Variants in RCBTB2 observed in about 807,000 individuals in gnomAD.
RCBTB2 encodes the protein RCC1 and BTB domain containing protein 2.
RCBTB2 carries 55 observed loss-of-function variants against 65.4 expected under a neutral mutation model. The ratio of observed to expected loss-of-function variants is 0.84; its 90% CI spans 0.68 to 1.05. The LOEUF (loss-of-function observed/expected upper bound fraction) is 1.05, where lower values mean the gene tolerates loss of function less well. Among genes scored for constraint, RCBTB2 ranks in the 50% least tolerant of loss-of-function variants. The pLI is 0.00. For missense variants in RCBTB2, 599 were observed against 680.1 expected (o/e 0.88, Z 1.33); for synonymous variants, 220 against 255.2 (o/e 0.86, Z 1.31).
rs775883498 is a variant in RCBTB2, at chr13:48,496,259, T to G, written c.1447A>C (p.Ile483Leu). 1.3e-6 allele frequency: 2 copies of G among 1,595,096 alleles called. No individual in the cohort carries two copies. Among genetic ancestry groups the G allele is most frequent in the Non-Finnish European group, 8.5e-7 (1 of 1,170,868 alleles). ...TTCTCCTCGCAGATGCCTTGCTTGA[T>G]AGTTTGTTGGCAGAGCTTTTTCAAA... ...NRLKKLCQQT[I>L]KQGICEENAI... The change falls in exon 14 of 15, where the codon ATC becomes CTC. Residue 483 changes from isoleucine (I) to leucine (L), a missense_variant. By Grantham distance (5) the Ile-to-Leu change is conservative. Transcript: ENST00000344532.
intron 3 of RCBTB2, 68 bp from the exon 4 acceptor site, chr13:48,522,030 C>T (rs1789201083): frequency 1.5e-6 from 2 of 1,311,326 alleles, no homozygotes; most frequent in Non-Finnish European, 2.2e-6. Flanking sequence ...GTTAAAATTA[C>T]TTTACTTCTA....
chr13:48,501,909 C>T (rs1007647716), intron 11 of RCBTB2, 41 bp from the exon 12 acceptor site: 14 of 1,597,416 alleles, frequency 8.8e-6, no homozygotes, highest in Non-Finnish European at 1.2e-5. Context: ...TAGCTACAGA[C>T]ATAATGAACA....
rs199638083 is a variant in RCBTB2, at chr13:48,512,744, T to C, written c.501A>G (p.Leu167=). 26 of 1,613,868 alleles carry C rather than the reference T, an allele frequency of 1.6e-5. No homozygotes were observed. The highest frequency in any genetic ancestry group is 2.1e-5 in the Non-Finnish European group (25 of 1,179,890). ...CTGTTCTCACCTCTCCATCAGATGT[T>C]AGCACCAAAGAATGGTAAGACCCAC... ...VACGSYHSLV[L]TSDGEVFAWG... is the part of the protein sequence containing the mutation. The change falls in exon 7 of 15, where the codon CTA becomes CTG. Residue 167 remains leucine (L), a synonymous_variant. Transcript: ENST00000344532.
intron 4 of RCBTB2, among the ~76,000 whole-genome samples, chr13:48,517,589 A>G (rs765571081): frequency 1.3e-5 from 2 of 152,224 alleles, no homozygotes; most frequent in Non-Finnish European, 2.9e-5. Context: ...GGATGCACGG[A>G]GCAGCTGTCC....
chr13:48,490,085 G>C lies in RCBTB2; in HGVS notation c.*26C>G, dbSNP rs9332076. On this transcript the variant is annotated 3_prime_UTR_variant, in exon 15 of 15. Coordinates refer to ENST00000344532, the MANE Select transcript of RCBTB2 (RefSeq NM_001268.4). ...TGGCTTTTGCAGGGGAAATGGAAAG[G>C]CTCAAAAACTTTCCTGCAGATGGGA... The C allele has an allele frequency of 2.3e-5, 37 of 1,612,714 alleles. No individual in the cohort carries two copies. The highest frequency in any genetic ancestry group is 3.1e-5 in the Non-Finnish European group (36 of 1,179,090).
chr13:48,504,105 G>T, intron 10 of RCBTB2: 1 of 875,130 alleles, frequency 1.1e-6, no homozygotes. Context: ...TAACAAAGAT[G>T]CTTTCTTTGT....
At chr13:48,506,271 A>C (rs1192164690) in intron 10 of RCBTB2, among the ~76,000 whole-genome samples, 2 of 152,204 alleles carry the variant, frequency 1.3e-5, no homozygotes, top group African/African-American at 4.8e-5. Flanking sequence ...CTTGCCAGGA[A>C]CAGTGGCGTC....
rs575538454 is a variant in RCBTB2, at chr13:48,501,537, G to A, written c.1244+205C>T. On this transcript the variant is annotated intron_variant, in intron 12 of 14. Coordinates refer to ENST00000344532, the MANE Select transcript of RCBTB2 (RefSeq NM_001268.4). ...ACGCCACTTTTCAAGCCTAAGGAAC[G>A]CCTATGGTACTGGTTCCCGGAACCA... Among the ~76,000 whole-genome samples, 24 of 152,204 alleles carry A rather than the reference G, an allele frequency of 1.6e-4. No homozygotes were observed. In the South Asian group the frequency reaches 4.6e-3, roughly 29 times the overall value.
At chr13:48,495,716 T>C (rs1048359218) in intron 14 of RCBTB2, among the ~76,000 whole-genome samples, 5 of 152,242 alleles carry the variant, frequency 3.3e-5, no homozygotes, top group South Asian at 2.1e-4. Flanking sequence ...TCTGATCCTA[T>C]ACATTATCTC....
chr13:48,511,264 A>G (rs914189194), intron 9 of RCBTB2, among the ~76,000 whole-genome samples: 4 of 152,202 alleles, frequency 2.6e-5, no homozygotes, highest in African/African-American at 9.7e-5. Flanking sequence ...ACCATTACAC[A>G]TAGCAGTTTT....
intron 10 of RCBTB2, among the ~76,000 whole-genome samples, chr13:48,505,524 T>C (rs536323361): frequency 6.6e-6 from 1 of 152,290 alleles, no homozygotes; most frequent in East Asian, 1.9e-4. Context: ...ATCATTCTTT[T>C]CAACAAATAA....
intron 13 of RCBTB2, 48 bp downstream of exon 13, chr13:48,499,573 T>C: frequency 1.9e-6 from 3 of 1,597,268 alleles, no homozygotes; most frequent in Non-Finnish European, 2.6e-6. Context: ...AACCACCTTG[T>C]CAGTTCCTCA....
chr13:48,503,676 G>A (rs1447998633), intron 10 of RCBTB2, among the ~76,000 whole-genome samples: 2 of 152,114 alleles, frequency 1.3e-5, no homozygotes, highest in Non-Finnish European at 2.9e-5. Flanking sequence ...AGCCTCTGTA[G>A]TAGCTGGGAC....
At chr13:48,516,110 G>T (rs1951074598) in intron 4 of RCBTB2, among the ~76,000 whole-genome samples, 1 of 152,180 alleles carries the variant, frequency 6.6e-6, no homozygotes, top group African/African-American at 2.4e-5. Flanking sequence ...GAGAGAGAGA[G>T]AGAGAGAGAG....
At chr13:48,499,859 G>T in intron 12 of RCBTB2, 99 bp from the exon 13 acceptor site, 2 of 1,343,294 alleles carry the variant, frequency 1.5e-6, no homozygotes, top group Non-Finnish European at 2.1e-6. Flanking sequence ...ACGCTGGCAC[G>T]TCCCTGCTGT....
Position 48,511,828 on chromosome 13 carries a change from C to T in RCBTB2, c.725G>A (p.Ser242Asn). ...TCTGCAAGGGGTTGGCTGGTTGCCA[C>T]TGTTGCCGAGTCCAAGCTGCCCGTT... ...NGNGQLGLGN[S>N]GNQPTPCRVA... The change falls in exon 9 of 15, where the codon AGT becomes AAT. Residue 242 changes from serine to asparagine, a missense_variant. By Grantham distance (46) the Ser-to-Asn change is conservative (BLOSUM62 1). Transcript: ENST00000344532. 2.5e-6 allele frequency: 4 copies of T among 1,614,214 alleles called. No homozygotes were observed. The highest frequency in any genetic ancestry group is 3.4e-6 in the Non-Finnish European group (4 of 1,180,046).
chr13:48,510,427 T>C (rs1950717438), intron 10 of RCBTB2, among the ~76,000 whole-genome samples: 1 of 152,204 alleles, frequency 6.6e-6, no homozygotes, highest in Non-Finnish European at 1.5e-5. Flanking sequence ...AGATGAAACA[T>C]GGGTAAGTGA....
chr13:48,508,546 G>C (rs1950618482), intron 10 of RCBTB2, among the ~76,000 whole-genome samples: 1 of 152,082 alleles, frequency 6.6e-6, no homozygotes, highest in South Asian at 2.1e-4. Context: ...TGGGATTACA[G>C]GCATGTGCCA....
intron 4 of RCBTB2, among the ~76,000 whole-genome samples, chr13:48,518,753 A>T (rs1415332775): frequency 6.6e-6 from 1 of 152,092 alleles, no homozygotes; most frequent in East Asian, 1.9e-4. Context: ...TACTGAAAAA[A>T]GAGCAACTTG....
Sources: gnomAD v4.1 joint callset for allele counts (sites outside exome capture counted in the v4.1 genomes callset) on GRCh38, gnomAD v4.1.1 for gene constraint, MANE v1.5 for transcripts, NCBI Gene and HGNC (gene_info 2026-07-23, HGNC 2026-07-21) for gene names.